The following MYADML2 variants were observed in gnomAD, a reference collection of about 807,000 sequenced individuals.
MYADML2 encodes the protein myeloid associated differentiation marker like 2, also known as myeloid-associated differentiation marker-like protein 2.
MYADML2 carries 17 observed loss-of-function variants against 16.0 expected under a neutral mutation model. That is an observed-to-expected ratio of 1.06 (90% CI 0.73 to 1.60). MYADML2 has a LOEUF of 1.60. Among genes scored for constraint, MYADML2 ranks in the 40% most tolerant of loss-of-function variants. The pLI is 0.00. For synonymous variants in MYADML2, 210 were observed against 208.1 expected, an observed-to-expected ratio of 1.01 and a Z score of -0.08; for missense variants, 422 against 437.7, an observed-to-expected ratio of 0.96 and a Z score of 0.32.
rs973532861 is a variant in MYADML2 at position 81,940,074 on chromosome 17, C to G, written c.*744G>C. On this transcript the variant is annotated 3_prime_UTR_variant, in exon 3 of 3. Coordinates refer to ENST00000409745, the MANE Select transcript of MYADML2 (RefSeq NM_001145113.3). The stretch of plus-strand genomic sequence containing the variant: ...CCACTGTGCACTCGGTGCCGCCGGG[C>G]TCTGCAGGCTCTTCCAGGCCACCCG... 9.2e-5 allele frequency: 14 copies of G among 152,350 alleles called. No homozygotes were observed. Among genetic ancestry groups the G allele is most frequent in the African/African-American group, 3.1e-4 (13 of 41,468 alleles). 9.4% of individuals were successfully genotyped at this position (152,350 alleles called of 1,614,324 possible).
At chr17:81,945,947 G>A (rs1275422701) in intron 1 of MYADML2, among the ~76,000 whole-genome samples, 1 of 152,116 alleles carries the variant, frequency 6.6e-6, no homozygotes, top group African/African-American at 2.4e-5. Context: ...TCACAAAACT[G>A]GAGGAGGGGC....
chr17:81,946,564 C>T (rs369376465), intron 1 of MYADML2, among the ~76,000 whole-genome samples: 6 of 152,012 alleles, frequency 3.9e-5, no homozygotes, highest in African/African-American at 9.7e-5. Flanking sequence ...AGGAGAATGG[C>T]GTGAACCCGG....
chr17:81,945,301 AGGCCAAGGTG>A (rs1409644319), intron 1 of MYADML2, among the ~76,000 whole-genome samples: 3 of 151,922 alleles, frequency 2.0e-5, no homozygotes, highest in African/African-American at 4.8e-5. Flanking sequence ...GCACTTTGGG[AGGCCAAGGTG>A]GGCGGATCAC....
chr17:81,941,477 C>G lies in MYADML2; in HGVS notation c.265G>C (p.Ala89Pro). 6.5e-7 allele frequency: 1 copy of G among 1,548,740 alleles called. No homozygotes were observed. The highest frequency in any genetic ancestry group is 8.7e-7 in the Non-Finnish European group (1 of 1,146,356). ...AGGGTGGCCAGCATGGCGAAGGCGG[C>G]GGTGAAGTTGCCCCAGGAGAGCCGC... ...CLRLSWGNFT[A>P]AFAMLATLLC... Residue 89 changes from alanine to proline, a missense_variant, in exon 3 of 3, where the codon GCC (alanine) becomes CCC (proline). Physicochemically the swap from Ala to Pro is conservative, Grantham distance 27. Transcript: ENST00000409745.
chr17:81,946,591 T>C (rs2041349299), intron 1 of MYADML2, among the ~76,000 whole-genome samples: 1 of 151,884 alleles, frequency 6.6e-6, no homozygotes, highest in Non-Finnish European at 1.5e-5. Flanking sequence ...GAGCTTGCAG[T>C]GAGCCGAGAT....
Position 81,939,996 on chromosome 17 carries a change from G to T in MYADML2, c.*822C>A. 1 of 152,418 alleles carries T rather than the reference G, an allele frequency of 6.6e-6. No homozygotes were observed. The highest frequency in any genetic ancestry group is 1.5e-5 in the Non-Finnish European group (1 of 68,102). The allele number at this position is 152,418 out of a possible 1,614,324, so 9.4% of individuals were successfully genotyped here. On this transcript the variant is annotated 3_prime_UTR_variant, in exon 3 of 3. Transcript: ENST00000409745. The stretch of plus-strand genomic sequence containing the variant: ...CTGAAGCTGCTTCGTCACAGCCAAT[G>T]GTGAGTGTCCAGGTGGGGCTCCGTG...
Position 81,940,977 on chromosome 17 carries a change from A to G in MYADML2, c.765T>C (p.Asp255=). ...AAVIWPVFCF[D]PKYGEPKRPP... is the part of the protein sequence containing the mutation. ...GCCGTTTGGGCTCACCGTACTTGGG[A>G]TCGAAACAGAAGACTGGCCAGATCA... The change falls in exon 3 of 3, where the codon GAT becomes GAC. Residue 255 remains aspartate (D), a synonymous_variant. Coordinates refer to ENST00000409745, the MANE Select transcript of MYADML2 (RefSeq NM_001145113.3). 1 of 1,550,634 alleles carries G rather than the reference A, an allele frequency of 6.4e-7. No homozygotes were observed. Among genetic ancestry groups the G allele is most frequent in the Non-Finnish European group, 8.7e-7 (1 of 1,146,966 alleles).
chr17:81,941,282 C>CG lies in MYADML2; in HGVS notation c.459dup (p.Gly154ArgfsTer32), dbSNP rs1567932573. The CG allele has an allele frequency of 2.6e-6, 4 of 1,550,000 alleles. No individual in the cohort carries two copies. The highest frequency in any genetic ancestry group is 2.6e-6 in the Non-Finnish European group (3 of 1,146,874). The stretch of plus-strand genomic sequence containing the variant: ...GTGGCCATATAGCTGCTCACCTGGC[C>CG]GGGCCGGGCCCGCGTCAGGGCCACC... On this transcript the variant is annotated frameshift_variant, in exon 3 of 3. Coordinates refer to ENST00000409745, the MANE Select transcript of MYADML2 (RefSeq NM_001145113.3). LOFTEE classifies it high-confidence loss of function.
chr17:81,945,530 C>A (rs1257848876), intron 1 of MYADML2, among the ~76,000 whole-genome samples: 2 of 150,870 alleles, frequency 1.3e-5, no homozygotes, highest in African/African-American at 2.5e-5. Context: ...CAGAGCAAGA[C>A]TCTGTCTCAA....
Position 81,941,811 on chromosome 17 carries a change from C to G in MYADML2, c.-70G>C, listed in dbSNP as rs1178863048. 1 of 1,398,236 alleles carries G rather than the reference C, an allele frequency of 7.2e-7. No homozygotes were observed. Among genetic ancestry groups the G allele is most frequent in the African/African-American group, 1.5e-5 (1 of 68,650 alleles). 86.6% of individuals were successfully genotyped at this position (1,398,236 alleles called of 1,614,324 possible). On this transcript the variant is annotated 5_prime_UTR_variant, in exon 3 of 3. It removes the in-frame stop codon of an upstream open reading frame in the 5' UTR. Coordinates refer to ENST00000409745, the MANE Select transcript of MYADML2 (RefSeq NM_001145113.3). ...GGGTCCCTGCTGGGCCAAGGCCCCT[C>G]AGTCCTCTGCGGTAGTGGCAGGTGC...
In MYADML2 at chr17:81,941,184, G is replaced by T; in HGVS notation, c.558C>A (p.Ser186Arg). 1 of 1,550,214 alleles carries T rather than the reference G, an allele frequency of 6.5e-7. No homozygotes were observed. The highest frequency in any genetic ancestry group is 1.2e-5 in the South Asian group (1 of 84,064). Residue 186 changes from serine (S) to arginine (R), a missense_variant, in exon 3 of 3, where the codon AGC becomes AGA. Transcript: ENST00000409745. ...CIIFGALVHD[S>R]RYGRYVATQW... Reference sequence around the variant, plus strand: ...GGGTGGCCACGTAGCGCCCGTAGCGGCTGTCATGGACCAGCGCCCCGAAGA... The same window carrying T: ...GGGTGGCCACGTAGCGCCCGTAGCGTCTGTCATGGACCAGCGCCCCGAAGA...
chr17:81,942,065 C>T lies in MYADML2; in HGVS notation c.-102-222G>A, dbSNP rs1056214702. 8 of 268,288 alleles carry T rather than the reference C, an allele frequency of 3.0e-5. No individual in the cohort carries two copies. The highest frequency in any genetic ancestry group is 1.5e-4 in the African/African-American group (7 of 45,512). The allele number at this position is 268,288 out of a possible 1,614,324, so 16.6% of individuals were successfully genotyped here. ...TGGCTGCTGGCACCACCCCCACCTC[C>T]GCCTCCCGCGCACCTGCATCTGTCA... On this transcript the variant is annotated intron_variant, in intron 2 of 2. Coordinates refer to ENST00000409745, the MANE Select transcript of MYADML2 (RefSeq NM_001145113.3). The surrounding 1 kb of genome is among the most constrained non-coding windows in gnomAD (Gnocchi z 4.4).
chr17:81,941,966 G>C (rs912763180), intron 2 of MYADML2, 123 bp from the exon 3 acceptor site: 2 of 485,404 alleles, frequency 4.1e-6, no homozygotes, highest in East Asian at 6.3e-5. Flanking sequence ...AGCAGCTTGC[G>C]TGCCTGTCCC....
Position 81,944,396 on chromosome 17 carries a change from A to G in MYADML2, c.-180-2023T>C, listed in dbSNP as rs143830059. Among the ~76,000 whole-genome samples, 245 of 152,214 alleles carry G rather than the reference A, an allele frequency of 1.6e-3. 3 individuals are homozygous for G. The highest frequency in any genetic ancestry group is 5.7e-3 in the African/African-American group (237 of 41,530). On this transcript the variant is annotated intron_variant, in intron 1 of 2. Coordinates refer to ENST00000409745, the MANE Select transcript of MYADML2 (RefSeq NM_001145113.3). ...GCAACAGAGCGAGACTCCTCAAAAA[A>G]AAAAAAGAAAGAAAAAGAAAAAGAA...
intron 1 of MYADML2, among the ~76,000 whole-genome samples, chr17:81,943,635 C>T (rs1056060726): frequency 5.3e-5 from 8 of 150,882 alleles, no homozygotes; most frequent in African/African-American, 1.7e-4. Context: ...GATCTCCTGA[C>T]CTCGTGATCC....
rs1312356044 is a variant in MYADML2, at chr17:81,941,315, C to T, written c.427G>A (p.Ala143Thr). The change falls in exon 3 of 3, where the codon GCT becomes ACT. Residue 143 changes from alanine (A) to threonine (T), a missense_variant. Transcript: ENST00000409745. ...VFAGLLFLAY[A>T]VEVALTRARP... is the part of the protein sequence containing the mutation. Reference sequence around the variant, plus strand: ...GCCCGCGTCAGGGCCACCTCCACAGCGTAGGCCAGGAAGAGGAGCCCGGCG... The same window carrying T: ...GCCCGCGTCAGGGCCACCTCCACAGTGTAGGCCAGGAAGAGGAGCCCGGCG... The T allele has an allele frequency of 3.0e-5, 46 of 1,549,788 alleles. No homozygotes were observed. In the Admixed American group the frequency reaches 6.1e-4, roughly 20 times the overall value.
At position 81,940,852 on chromosome 17, in the gene MYADML2, T is replaced by G. The variant is rs984134609; in HGVS notation, c.890A>C (p.Tyr297Ser). ...GGGCACGAAGCGAATCCTCTGGGAG[T>G]AGGCGAGGTCAACGACGTACAGGAG... ...NLLLYVVDLA[Y>S]SQRIRFVPSL The change falls in exon 3 of 3, where the codon TAC becomes TCC. Residue 297 changes from tyrosine (Y) to serine (S), a missense_variant. Tyr to Ser is a moderately radical substitution (Grantham distance 144). Coordinates refer to ENST00000409745, the MANE Select transcript of MYADML2 (RefSeq NM_001145113.3). The G allele has an allele frequency of 6.6e-7, 1 of 1,521,436 alleles. No individual in the cohort carries two copies. Among genetic ancestry groups the G allele is most frequent in the South Asian group, 1.3e-5 (1 of 79,464 alleles). 94.2% of individuals were successfully genotyped at this position (1,521,436 alleles called of 1,614,324 possible).
Position 81,942,017 on chromosome 17 carries a change from C to A in MYADML2, c.-102-174G>T, listed in dbSNP as rs1296312201. 2 of 397,964 alleles carry A rather than the reference C, an allele frequency of 5.0e-6. No individual in the cohort carries two copies. Among genetic ancestry groups the A allele is most frequent in the Non-Finnish European group, 9.0e-6 (2 of 223,132 alleles). The allele number at this position is 397,964 out of a possible 1,614,324, so 24.7% of individuals were successfully genotyped here. On this transcript the variant is annotated intron_variant, in intron 2 of 2. Coordinates refer to ENST00000409745, the MANE Select transcript of MYADML2 (RefSeq NM_001145113.3). This position sits in a 1 kb window ranked among gnomAD's most constrained non-coding sequence, Gnocchi z 4.4. ...TCTGACCCCTGGTCCCCTGTGGAGC[C>A]CCTGCCGGGACCATTAACCCATTGG...
At chr17:81,943,480 T>C (rs2041321538) in intron 1 of MYADML2, among the ~76,000 whole-genome samples, 1 of 150,312 alleles carries the variant, frequency 6.7e-6, no homozygotes, top group Non-Finnish European at 1.5e-5. Context: ...CTCGGCTCAC[T>C]GCAAGCTCTG....
Sources: gnomAD v4.1 joint callset for allele counts (sites outside exome capture counted in the v4.1 genomes callset) on GRCh38, gnomAD v4.1.1 for gene constraint, Gnocchi (gnomAD v3.1) non-coding constraint, MANE v1.5 for transcripts, NCBI Gene and HGNC (gene_info 2026-07-23, HGNC 2026-07-21) for gene names.